Variants in ARHGAP32 observed in about 807,000 individuals in gnomAD.
ARHGAP32 encodes the protein rho GTPase-activating protein 32.
ARHGAP32 carries 51 observed loss-of-function variants against 186.5 expected under a neutral mutation model. The ratio of observed to expected loss-of-function variants is 0.27; its 90% confidence interval spans 0.22 to 0.35. The LOEUF (loss-of-function observed/expected upper bound fraction) is 0.35, where lower values mean the gene tolerates loss of function less well. ARHGAP32 is among the 10% of genes least tolerant of loss of function. ARHGAP32 has a pLI of 1.00. For missense variants in ARHGAP32, 2,186 were observed against 2,623.5 expected (o/e 0.83, Z 3.64); for synonymous variants, 950 against 964.3 (o/e 0.99, Z 0.27).
intron 2 of ARHGAP32, among the ~76,000 whole-genome samples, chr11:129,147,814 T>C (rs981478818): frequency 2.0e-5 from 3 of 152,206 alleles, no homozygotes; most frequent in African/African-American, 7.2e-5. Flanking sequence ...CATTCTATAT[T>C]TCTATGAGAG....
intron 9 of ARHGAP32, among the ~76,000 whole-genome samples, chr11:129,063,161 A>G (rs561614345): frequency 6.6e-6 from 1 of 152,282 alleles, no homozygotes; most frequent in East Asian, 1.9e-4. Flanking sequence ...TATATTCACA[A>G]CTGATCTTAC....
intron 1 of ARHGAP32, among the ~76,000 whole-genome samples, chr11:129,205,199 T>G (rs777765868): frequency 6.6e-6 from 1 of 152,128 alleles, no homozygotes; most frequent in Non-Finnish European, 1.5e-5. Context: ...TTATCATCTC[T>G]GGGGCTTTTT....
At chr11:129,003,094 C>A (rs770876915) in intron 11 of ARHGAP32, among the ~76,000 whole-genome samples, 119 of 152,122 alleles carry the variant, frequency 7.8e-4, no homozygotes, top group Admixed American at 5.9e-4. Flanking sequence ...CCGTGCCCGG[C>A]CAAGGGATGT....
chr11:129,261,487 T>C (rs1032126762), intron 1 of ARHGAP32, among the ~76,000 whole-genome samples: 1 of 152,230 alleles, frequency 6.6e-6, no homozygotes, highest in Non-Finnish European at 1.5e-5. Flanking sequence ...CTTCCCCTCC[T>C]ATCTTTCAAG....
intron 5 of ARHGAP32, among the ~76,000 whole-genome samples, chr11:129,104,408 A>G (rs1349270848): frequency 6.6e-6 from 1 of 152,052 alleles, no homozygotes; most frequent in East Asian, 1.9e-4. Context: ...ATACTTTATG[A>G]CAGAATCAGA....
intron 1 of ARHGAP32, among the ~76,000 whole-genome samples, chr11:129,182,084 C>G (rs1414329379): frequency 6.6e-6 from 1 of 152,060 alleles, no homozygotes; most frequent in Non-Finnish European, 1.5e-5. Context: ...CTTTCCATAT[C>G]AATACATAGA....
intron 2 of ARHGAP32, among the ~76,000 whole-genome samples, chr11:129,143,233 T>C (rs567667143): frequency 6.6e-6 from 1 of 152,182 alleles, no homozygotes; most frequent in East Asian, 1.9e-4. Context: ...TTACCATTGG[T>C]CTAAGTATTG....
At chr11:128,982,787 G>A (rs927901706) in intron 15 of ARHGAP32, among the ~76,000 whole-genome samples, 4 of 151,396 alleles carry the variant, frequency 2.6e-5, no homozygotes, top group African/African-American at 9.7e-5. Context: ...CTACTCGGGA[G>A]GCTGAGGCAG....
At chr11:129,036,826 C>G (rs1186448454) in intron 11 of ARHGAP32, among the ~76,000 whole-genome samples, 1 of 152,146 alleles carries the variant, frequency 6.6e-6, no homozygotes, top group Non-Finnish European at 1.5e-5. Context: ...GATGCTTGTA[C>G]TTGAGATTTA....
intron 10 of ARHGAP32, among the ~76,000 whole-genome samples, chr11:129,055,461 G>A (rs1940213210): frequency 1.3e-5 from 2 of 152,172 alleles, no homozygotes; most frequent in Non-Finnish European, 2.9e-5. Context: ...GAAAACTTAT[G>A]TCCACACAAT....
At chr11:128,981,992 C>A in intron 15 of ARHGAP32, 56 bp from the exon 16 acceptor site, 2 of 1,096,650 alleles carry the variant, frequency 1.8e-6, no homozygotes, top group Non-Finnish European at 2.6e-6. Context: ...CAGTATAGAA[C>A]ATAAAAGCCT....
chr11:128,984,809 G>C (rs1591500273), intron 15 of ARHGAP32, among the ~76,000 whole-genome samples: 1 of 150,560 alleles, frequency 6.6e-6, no homozygotes, highest in African/African-American at 2.4e-5. Context: ...GTGTGCAGAA[G>C]ATATAAAACA....
intron 5 of ARHGAP32, among the ~76,000 whole-genome samples, chr11:129,094,457 G>A (rs926275574): frequency 7.9e-5 from 12 of 152,182 alleles, no homozygotes; most frequent in African/African-American, 2.7e-4. Context: ...CTACCGACAT[G>A]TAGAAGCTAA....
rs367719046 is a variant in ARHGAP32, at chr11:129,088,309, C to G, written c.531+5312G>C. ...AAACATAGCCTTGATTGGCTGGGCA[C>G]GGTGGCTTACACCTGTAATCCCAGC... On this transcript the variant is annotated intron_variant, in intron 6 of 22. Coordinates refer to ENST00000682385, the MANE Select transcript of ARHGAP32 (RefSeq NM_001378024.1). 2.5e-3 allele frequency among the ~76,000 whole-genome samples: 387 copies of G among 152,274 alleles called. 6 individuals are homozygous for G. The South Asian group carries it at 0.044, about 17-fold the overall frequency.
intron 10 of ARHGAP32, among the ~76,000 whole-genome samples, 174 bp downstream of exon 10, chr11:129,062,106 T>C (rs904824275): frequency 6.6e-6 from 1 of 152,200 alleles, no homozygotes; most frequent in Non-Finnish European, 1.5e-5. Context: ...ACAACCAAAA[T>C]AGTAATTAGA....
intron 11 of ARHGAP32, among the ~76,000 whole-genome samples, chr11:129,011,966 G>T (rs1477623429): frequency 6.6e-6 from 1 of 152,086 alleles, no homozygotes; most frequent in African/African-American, 2.4e-5. Context: ...GGATAAACTA[G>T]AAGCTAATAA....
intron 6 of ARHGAP32, among the ~76,000 whole-genome samples, chr11:129,088,457 G>A (rs553430787): frequency 9.9e-5 from 15 of 152,204 alleles, no homozygotes; most frequent in African/African-American, 2.9e-4. Flanking sequence ...GCATGTGTCT[G>A]TAATCTCAGA....
intron 1 of ARHGAP32, among the ~76,000 whole-genome samples, chr11:129,165,105 G>A (rs941698140): frequency 6.6e-6 from 1 of 152,100 alleles, no homozygotes; most frequent in African/African-American, 2.4e-5. Context: ...GGCAGAGGTT[G>A]GAGGCTGGGA....
chr11:129,116,028 G>C (rs755552370), intron 5 of ARHGAP32, among the ~76,000 whole-genome samples: 9 of 151,982 alleles, frequency 5.9e-5, no homozygotes, highest in Non-Finnish European at 1.0e-4. Context: ...TGGAGAACCA[G>C]GGCCTAGGGA....
Sources: gnomAD v4.1 joint callset for allele counts (sites outside exome capture counted in the v4.1 genomes callset) on GRCh38, gnomAD v4.1.1 for gene constraint, MANE v1.5 for transcripts, NCBI Gene and HGNC (gene_info 2026-07-23, HGNC 2026-07-21) for gene names.